ULK4: variants seen among roughly 807,000 people sequenced by gnomAD.
The protein encoded by ULK4 is unc-51 like kinase 4.
A neutral mutation model predicts 160.6 loss-of-function variants in ULK4; 133 were observed. The observed-to-expected ratio is 0.83, with a 90% CI of 0.72 to 0.96. The LOEUF (loss-of-function observed/expected upper bound fraction) is 0.96, where lower values mean the gene tolerates loss of function less well. ULK4 is among the 40% of genes least tolerant of loss of function. ULK4 has a pLI of 0.00. For missense variants in ULK4, 1,580 were observed against 1,499.5 expected (o/e 1.05, Z -0.89); for synonymous variants, 534 against 539.8 (o/e 0.99, Z 0.15).
chr3:41,580,728 C>T (rs1250219951), intron 31 of ULK4, among the ~76,000 whole-genome samples: 4 of 152,100 alleles, frequency 2.6e-5, no homozygotes, highest in African/African-American at 7.2e-5. Context: ...AGCTGGGAGC[C>T]CGACCCAGAA....
intron 31 of ULK4, among the ~76,000 whole-genome samples, chr3:41,581,250 G>T (rs1335560180): frequency 1.3e-5 from 2 of 152,104 alleles, no homozygotes; most frequent in South Asian, 4.2e-4. Flanking sequence ...TATTGGCCAG[G>T]GTAGGTGGGT....
At chr3:41,863,654 C>G (rs2042555350) in intron 17 of ULK4, among the ~76,000 whole-genome samples, 1 of 151,814 alleles carries the variant, frequency 6.6e-6, no homozygotes, top group Non-Finnish European at 1.5e-5. Flanking sequence ...CTCTTCGGTT[C>G]ACAGGTAATG....
intron 31 of ULK4, among the ~76,000 whole-genome samples, chr3:41,602,604 A>G (rs2032169923): frequency 6.6e-6 from 1 of 152,148 alleles, no homozygotes; most frequent in South Asian, 2.1e-4. Context: ...CTGTAAATCT[A>G]GAACTATACT....
intron 1 of ULK4, among the ~76,000 whole-genome samples, chr3:41,959,363 CAA>C (rs5848611): frequency 7.5e-6 from 1 of 133,100 alleles, no homozygotes. Context: ...GATTCCATCT[CAA>C]AAAAAAAAAA....
At chr3:41,791,194 C>G (rs1324990855) in intron 20 of ULK4, among the ~76,000 whole-genome samples, 1 of 152,206 alleles carries the variant, frequency 6.6e-6, no homozygotes, top group Non-Finnish European at 1.5e-5. Flanking sequence ...CGGGGTTTCA[C>G]CGTGTTAGCC....
intron 1 of ULK4, among the ~76,000 whole-genome samples, chr3:41,955,925 AAAC>A (rs1187997771): frequency 1.3e-5 from 2 of 152,238 alleles, no homozygotes; most frequent in African/African-American, 4.8e-5. Flanking sequence ...GTACAAGGGA[AAAC>A]AACATCTGCA....
At chr3:41,732,277 G>C (rs2037857328) in intron 22 of ULK4, among the ~76,000 whole-genome samples, 1 of 149,910 alleles carries the variant, frequency 6.7e-6, no homozygotes, top group African/African-American at 2.4e-5. Flanking sequence ...AATAGCAAAA[G>C]AAAAAAAAAT....
Position 41,789,724 on chromosome 3 carries a change from C to T in ULK4, c.2130G>A (p.Met710Ile). 6.2e-7 allele frequency: 1 copy of T among 1,613,370 alleles called. No individual in the cohort carries two copies. Residue 710 changes from methionine to isoleucine, a missense_variant, in exon 21 of 37, where the codon ATG becomes ATA. Met to Ile is a conservative substitution (Grantham distance 10). Transcript: ENST00000301831. Reference protein sequence around the residue: ...ASAICKVQQYMLTLFAAMLSC... With the variant: ...ASAICKVQQYILTLFAAMLSC... ...ACAACATGGCAGCGAATAAGGTCAACATGTACTGCTGAACTTTGCAGATGG... is the reference window on the plus strand; with the variant it reads ...ACAACATGGCAGCGAATAAGGTCAATATGTACTGCTGAACTTTGCAGATGG...
chr3:41,651,375 C>T lies in ULK4; in HGVS notation c.3071+12232G>A, dbSNP rs368807503. Reference sequence around the variant, plus strand: ...ACCCCACCTCATAAAACTCTCCATTCTCTTAATATGCTTCACTGTTCTCCA... The same window carrying T: ...ACCCCACCTCATAAAACTCTCCATTTTCTTAATATGCTTCACTGTTCTCCA... On this transcript the variant is annotated intron_variant, in intron 30 of 36. Transcript: ENST00000301831. Among the ~76,000 whole-genome samples the T allele has an allele frequency of 4.6e-5, 7 of 152,322 alleles. No homozygotes were observed. The South Asian group carries it at 1.5e-3, about 32-fold the overall frequency.
chr3:41,767,293 C>T (rs2039199205), intron 21 of ULK4, among the ~76,000 whole-genome samples: 1 of 152,088 alleles, frequency 6.6e-6, no homozygotes, highest in African/African-American at 2.4e-5. Context: ...AAAGAAAAAT[C>T]ATCCATTTCT....
chr3:41,690,051 A>T (rs2036237310), intron 27 of ULK4, among the ~76,000 whole-genome samples: 2 of 148,230 alleles, frequency 1.3e-5, no homozygotes, highest in Non-Finnish European at 1.5e-5. Context: ...CAAATGTCCA[A>T]CAATGATAGA....
intron 17 of ULK4, among the ~76,000 whole-genome samples, chr3:41,851,671 C>T (rs1334440503): frequency 6.6e-6 from 1 of 151,992 alleles, no homozygotes; most frequent in Non-Finnish European, 1.5e-5. Flanking sequence ...CCTCCTTGTA[C>T]CTCTGGTAGA....
intron 30 of ULK4, among the ~76,000 whole-genome samples, chr3:41,649,220 A>T (rs1363575039): frequency 2.0e-5 from 3 of 152,046 alleles, no homozygotes; most frequent in Admixed American, 6.5e-5. Flanking sequence ...CAGAATAGGT[A>T]TGGCTGTGAT....
chr3:41,485,003 C>G (rs745327841), intron 32 of ULK4, among the ~76,000 whole-genome samples: 2 of 152,038 alleles, frequency 1.3e-5, no homozygotes, highest in Non-Finnish European at 2.9e-5. Context: ...TTGGAATAAC[C>G]TAATGTAAAG....
chr3:41,626,581 A>G (rs2033520011), intron 30 of ULK4, among the ~76,000 whole-genome samples: 2 of 146,908 alleles, frequency 1.4e-5, no homozygotes, highest in Non-Finnish European at 3.0e-5. Flanking sequence ...GCTGGAGTGC[A>G]GTGGTGCAAT....
At chr3:41,311,048 G>A (rs997487064) in intron 35 of ULK4, among the ~76,000 whole-genome samples, 2 of 149,680 alleles carry the variant, frequency 1.3e-5, no homozygotes, top group African/African-American at 2.5e-5. Flanking sequence ...AAGGAAGGGA[G>A]GGAAGAACAA....
rs764256975 is a variant in ULK4 at position 41,919,818 on chromosome 3, C to T, written c.542G>A (p.Gly181Glu). ...LKKSMKSRVK[G>E]SPVYTAPEVV... ...TTCTGGTGCTGTATATACAGGAGAT[C>T]CTAAAAGCAAAGTATGAAGAACAGC... Residue 181 changes from glycine (G) to glutamate (E), a missense_variant and splice_region_variant, in exon 6 of 37, where the codon GGA becomes GAA. Coordinates refer to ENST00000301831, the MANE Select transcript of ULK4 (RefSeq NM_017886.4). 1.6e-5 allele frequency: 25 copies of T among 1,607,950 alleles called. No individual in the cohort carries two copies. The East Asian group carries it at 5.6e-4, about 36-fold the overall frequency.
intron 16 of ULK4, among the ~76,000 whole-genome samples, chr3:41,887,249 T>G (rs1415514663): frequency 1.3e-5 from 2 of 152,334 alleles, no homozygotes; most frequent in African/African-American, 4.8e-5. Context: ...AATAATAATA[T>G]GTACCTCATG....
Position 41,931,855 on chromosome 3 carries a change from C to T in ULK4, c.530G>A (p.Ser177Asn), listed in dbSNP as rs1699614932. 6.2e-7 allele frequency: 1 copy of T among 1,613,870 alleles called. No homozygotes were observed. Among genetic ancestry groups the T allele is most frequent in the South Asian group, 1.1e-5 (1 of 91,070 alleles). ...CCAGGTCCACATACCTTTGACTCTA[C>T]TTTTCATGCTTTTCTTCAGGACATT... ...GENVLKKSMK[S>N]RVKGSPVYTA... is the part of the protein sequence containing the mutation. Residue 177 changes from serine (S) to asparagine (N), a missense_variant, in exon 5 of 37, where the codon AGT (serine) becomes AAT (asparagine). By Grantham distance (46) the Ser-to-Asn change is conservative (BLOSUM62 1). Transcript: ENST00000301831.
Sources: allele counts gnomAD v4.1 joint callset (sites outside exome capture counted in the v4.1 genomes callset), GRCh38; gene constraint gnomAD v4.1.1; transcripts MANE v1.5; gene names NCBI Gene and HGNC (gene_info 2026-07-23, HGNC 2026-07-21).